The following CSMD1 variants were observed in gnomAD, a reference collection of about 807,000 sequenced individuals.
CSMD1 encodes the protein CUB and Sushi multiple domains 1, also known as CUB and sushi domain-containing protein 1.
A neutral mutation model predicts 417.5 loss-of-function variants in CSMD1; 213 were observed. The observed-to-expected ratio is 0.51, with a 90% CI of 0.46 to 0.57. The LOEUF (loss-of-function observed/expected upper bound fraction) is 0.57. Among genes scored for constraint, CSMD1 ranks in the 20% least tolerant of loss-of-function variants. The probability of loss-of-function intolerance (pLI) is 0.00; values close to 1 mark genes in which losing one functional copy is unlikely to be tolerated. For synonymous variants in CSMD1, 2,862 were observed against 1,736.8 expected (o/e 1.65, Z -16.11); for missense variants, 6,923 against 4,529.7 (o/e 1.53, Z -15.17).
intron 5 of CSMD1, among the ~76,000 whole-genome samples, chr8:3,862,378 C>T (rs1419723775): frequency 6.8e-6 from 1 of 146,720 alleles, no homozygotes; most frequent in South Asian, 2.2e-4. Flanking sequence ...TCTGATGTGG[C>T]CCTTTCATTT....
chr8:3,654,546 T>G (rs1037702765), intron 7 of CSMD1, among the ~76,000 whole-genome samples: 1 of 152,182 alleles, frequency 6.6e-6, no homozygotes, highest in Non-Finnish European at 1.5e-5. Context: ...GAAATTGTCA[T>G]GATTATACGG....
chr8:4,398,630 C>T (rs1585014214), intron 3 of CSMD1, among the ~76,000 whole-genome samples: 1 of 152,050 alleles, frequency 6.6e-6, no homozygotes, highest in South Asian at 2.1e-4. Context: ...CTCCTGACCT[C>T]CTGATCTGCC....
chr8:4,465,320 C>T (rs1027248756), intron 2 of CSMD1, among the ~76,000 whole-genome samples: 1 of 152,090 alleles, frequency 6.6e-6, no homozygotes, highest in Admixed American at 6.6e-5. Context: ...GTGAAGATGA[C>T]GGTCCCTGTG....
intron 65 of CSMD1, among the ~76,000 whole-genome samples, chr8:2,953,512 T>G (rs529950584): frequency 1.1e-3 from 161 of 151,632 alleles, no homozygotes; most frequent in African/African-American, 3.7e-3. Context: ...CAAGTGATCT[T>G]ATATATTTAC....
intron 5 of CSMD1, among the ~76,000 whole-genome samples, chr8:3,820,750 A>T (rs1442089376): frequency 2.0e-5 from 3 of 151,556 alleles, no homozygotes; most frequent in Non-Finnish European, 4.4e-5. Flanking sequence ...AAATTGTTGT[A>T]TTTTTTGTTT....
At chr8:3,573,864 C>G (rs1585392307) in intron 10 of CSMD1, among the ~76,000 whole-genome samples, 2 of 151,744 alleles carry the variant, frequency 1.3e-5, no homozygotes, top group Non-Finnish European at 2.9e-5. Flanking sequence ...AAATCCATAC[C>G]TATAATAGTT....
chr8:3,807,673 A>G (rs2129075317), intron 5 of CSMD1, among the ~76,000 whole-genome samples: 2 of 152,244 alleles, frequency 1.3e-5, no homozygotes, highest in Middle Eastern at 3.4e-3. Context: ...ACACATCTCT[A>G]TATAATTAAG....
intron 1 of CSMD1, among the ~76,000 whole-genome samples, chr8:4,922,797 G>C (rs1185066860): frequency 3.3e-5 from 5 of 152,122 alleles, no homozygotes; most frequent in Non-Finnish European, 7.4e-5. Flanking sequence ...ACCCCAAGAA[G>C]TGTTTCCTTC....
At chr8:4,044,614 C>T (rs531636145) in intron 3 of CSMD1, among the ~76,000 whole-genome samples, 1 of 150,290 alleles carries the variant, frequency 6.7e-6, no homozygotes, top group Non-Finnish European at 1.5e-5. Context: ...TTTCTTCTCT[C>T]GTGCAATAAG....
chr8:4,408,170 A>T (rs1234867715), intron 3 of CSMD1, among the ~76,000 whole-genome samples: 1 of 152,252 alleles, frequency 6.6e-6, no homozygotes, highest in African/African-American at 2.4e-5. Flanking sequence ...ACCAAAGCTT[A>T]GTCAGATGTA....
At chr8:3,825,960 G>A (rs1445969443) in intron 5 of CSMD1, among the ~76,000 whole-genome samples, 2 of 152,128 alleles carry the variant, frequency 1.3e-5, no homozygotes, top group Non-Finnish European at 2.9e-5. Context: ...TAAATGCATC[G>A]TTTTAACTTG....
At chr8:4,461,721 T>G (rs992345313) in intron 2 of CSMD1, among the ~76,000 whole-genome samples, 4 of 142,494 alleles carry the variant, frequency 2.8e-5, no homozygotes, top group Non-Finnish European at 6.0e-5. Flanking sequence ...CAGCTCATCT[T>G]ATTTATTATT....
intron 3 of CSMD1, among the ~76,000 whole-genome samples, chr8:4,098,721 C>T (rs1276136502): frequency 6.6e-6 from 1 of 152,178 alleles, no homozygotes; most frequent in Non-Finnish European, 1.5e-5. Flanking sequence ...AGGTTTATTT[C>T]CATTCAGCAA....
chr8:3,986,192 C>T (rs1166219757), intron 5 of CSMD1, among the ~76,000 whole-genome samples: 1 of 152,014 alleles, frequency 6.6e-6, no homozygotes, highest in Non-Finnish European at 1.5e-5. Flanking sequence ...TTTAAGCTGC[C>T]CCTCGGTCCT....
intron 26 of CSMD1, among the ~76,000 whole-genome samples, chr8:3,276,082 G>T (rs1251499844): frequency 6.6e-6 from 1 of 152,174 alleles, no homozygotes; most frequent in Non-Finnish European, 1.5e-5. Flanking sequence ...GGTCTTTGAT[G>T]CTGTTGATGT....
At chr8:3,283,643 C>G (rs570180205) in intron 26 of CSMD1, among the ~76,000 whole-genome samples, 9 of 152,072 alleles carry the variant, frequency 5.9e-5, no homozygotes, top group Non-Finnish European at 1.3e-4. Flanking sequence ...TAGAATAATT[C>G]TCTGGCCTTC....
intron 10 of CSMD1, among the ~76,000 whole-genome samples, chr8:3,561,324 A>T (rs1188967945): frequency 6.6e-6 from 1 of 152,164 alleles, no homozygotes; most frequent in Non-Finnish European, 1.5e-5. Context: ...CGAAAAAGAC[A>T]CCCGCACTCC....
intron 50 of CSMD1, among the ~76,000 whole-genome samples, chr8:3,039,086 G>C (rs988325072): frequency 1.3e-5 from 2 of 152,168 alleles, no homozygotes; most frequent in African/African-American, 4.8e-5. Flanking sequence ...TGGGAGCAAA[G>C]GGTACTTAGA....
At chr8:2,945,650 A>G (rs596775) in intron 68 of CSMD1, among the ~76,000 whole-genome samples, 123,559 of 152,050 alleles carry the variant, frequency 0.81, 50,733 homozygotes, top group East Asian at 0.93. Context: ...GGTCTTCACA[A>G]TAACACATGG....
Sources: gnomAD v4.1 joint callset for allele counts (sites outside exome capture counted in the v4.1 genomes callset) on GRCh38, gnomAD v4.1.1 for gene constraint, MANE v1.5 for transcripts, NCBI Gene and HGNC (gene_info 2026-07-23, HGNC 2026-07-21) for gene names.